Variants in LMO7 observed in about 807,000 individuals in gnomAD.
LMO7 encodes the protein LIM domain only protein 7.
Under a neutral mutation model 206.5 loss-of-function variants are expected in LMO7, and 120 were observed. The observed-to-expected ratio is 0.58, with a 90% CI of 0.50 to 0.68. The LOEUF (loss-of-function observed/expected upper bound fraction) is 0.68, where lower values mean the gene tolerates loss of function less well. LMO7 is among the 30% of genes least tolerant of loss of function. The pLI is 0.00. For synonymous variants in LMO7, 706 were observed against 681.5 expected, an observed-to-expected ratio of 1.04 and a Z score of -0.56; for missense variants, 1,959 against 1,957.9, an observed-to-expected ratio of 1.00 and a Z score of -0.01.
chr13:75,820,505 A>G (rs539746247), intron 13 of LMO7, among the ~76,000 whole-genome samples: 2 of 152,340 alleles, frequency 1.3e-5, no homozygotes, highest in East Asian at 1.9e-4. Context: ...TTGGTTGTCA[A>G]TCATGATATT....
intron 15 of LMO7, among the ~76,000 whole-genome samples, chr13:75,825,954 C>G (rs1030105602): frequency 9.2e-5 from 14 of 152,140 alleles, no homozygotes; most frequent in African/African-American, 3.1e-4. Context: ...ATACCTTGGA[C>G]TTTTGCTGGC....
intron 15 of LMO7, among the ~76,000 whole-genome samples, chr13:75,827,070 A>G (rs1305144571): frequency 6.6e-6 from 1 of 152,138 alleles, no homozygotes; most frequent in Non-Finnish European, 1.5e-5. Context: ...CTTACCCTTG[A>G]AAAGTTTCAC....
intron 11 of LMO7, 151 bp from the exon 12 acceptor site, chr13:75,817,010 T>C (rs2057076980): frequency 2.0e-6 from 1 of 502,442 alleles, no homozygotes; most frequent in South Asian, 3.5e-5. Context: ...AAAAACACCA[T>C]TTATCTCTGT....
intron 1 of LMO7, among the ~76,000 whole-genome samples, chr13:75,649,524 G>A (rs765279744): frequency 1.3e-4 from 20 of 152,162 alleles, no homozygotes; most frequent in Non-Finnish European, 2.1e-4. Flanking sequence ...AATCTATCAC[G>A]TGTTGAAAGT....
intron 7 of LMO7, 131 bp downstream of exon 7, chr13:75,801,013 A>G (rs765116760): frequency 1.6e-5 from 12 of 764,094 alleles, no homozygotes; most frequent in East Asian, 2.5e-5. Flanking sequence ...TAGAGACTGG[A>G]GTATAATTGG....
At chr13:75,668,568 A>G (rs570757311) in intron 1 of LMO7, among the ~76,000 whole-genome samples, 1 of 152,126 alleles carries the variant, frequency 6.6e-6, no homozygotes, top group Non-Finnish European at 1.5e-5. Flanking sequence ...GGCAATACAA[A>G]CTAGATGCTC....
chr13:75,691,322 T>C (rs1234966113), intron 1 of LMO7, among the ~76,000 whole-genome samples: 1 of 152,230 alleles, frequency 6.6e-6, no homozygotes, highest in East Asian at 1.9e-4. Context: ...AGAGGATGTT[T>C]GTTCAGTTTA....
intron 1 of LMO7, among the ~76,000 whole-genome samples, chr13:75,698,270 A>G (rs2042034641): frequency 6.6e-6 from 1 of 151,980 alleles, no homozygotes; most frequent in Non-Finnish European, 1.5e-5. Context: ...TATTCTTGTG[A>G]AAAAAATATA....
chr13:75,659,304 T>G (rs1046855143), intron 1 of LMO7, among the ~76,000 whole-genome samples: 1 of 152,220 alleles, frequency 6.6e-6, no homozygotes, highest in African/African-American at 2.4e-5. Context: ...GTGTGTGAGT[T>G]TTCACCCCAA....
rs201224165 is a variant in LMO7 at position 75,776,110 on chromosome 13, T to TAC, written c.317+15073_317+15074insCA. On this transcript the variant is annotated intron_variant, in intron 4 of 30. Transcript: ENST00000377534. ...AATGTTGTGGATATATATATATATA[T>TAC]ATACATACATACATACATATATATA... Among the ~76,000 whole-genome samples, 123 of 99,238 alleles carry TAC rather than the reference T, an allele frequency of 1.2e-3. 1 individual carries two copies. Among genetic ancestry groups the TAC allele is most frequent in the African/African-American group, 3.1e-3 (98 of 31,650 alleles). 65.1% of individuals were successfully genotyped at this position (99,238 alleles called of 152,430 possible).
At chr13:75,829,310 C>A (rs73227991) in intron 15 of LMO7, among the ~76,000 whole-genome samples, 1 of 151,926 alleles carries the variant, frequency 6.6e-6, no homozygotes, top group East Asian at 1.9e-4. Context: ...GTGGGCAGTG[C>A]CTGGAGGGAT....
At chr13:75,637,673 T>G (rs995272914) in intron 1 of LMO7, among the ~76,000 whole-genome samples, 2 of 152,228 alleles carry the variant, frequency 1.3e-5, no homozygotes, top group East Asian at 3.8e-4. Context: ...GGCTTAAAGA[T>G]TATTCCACGG....
intron 3 of LMO7, among the ~76,000 whole-genome samples, chr13:75,758,428 A>G (rs1566394985): frequency 6.6e-6 from 1 of 152,218 alleles, no homozygotes; most frequent in Non-Finnish European, 1.5e-5. Context: ...TACCAATCTT[A>G]GTACAACCTC....
At chr13:75,853,865 G>A (rs1217256324) in intron 28 of LMO7, among the ~76,000 whole-genome samples, 2 of 152,324 alleles carry the variant, frequency 1.3e-5, no homozygotes, top group Admixed American at 6.5e-5. Context: ...TCCATCGTCT[G>A]GGGGACTTCT....
At chr13:75,676,260 CCT>C (rs2040007482) in intron 1 of LMO7, among the ~76,000 whole-genome samples, 1 of 152,052 alleles carries the variant, frequency 6.6e-6, no homozygotes, top group African/African-American at 2.4e-5. Flanking sequence ...TAAGTATGTG[CCT>C]CTCTCCGGAT....
At chr13:75,827,970 A>G (rs2058286872) in intron 15 of LMO7, among the ~76,000 whole-genome samples, 1 of 152,134 alleles carries the variant, frequency 6.6e-6, no homozygotes, top group South Asian at 2.1e-4. Context: ...TCTCACCTTC[A>G]CTAGGACCTG....
intron 4 of LMO7, among the ~76,000 whole-genome samples, chr13:75,786,190 G>C (rs939942148): frequency 1.3e-5 from 2 of 152,132 alleles, no homozygotes; most frequent in Non-Finnish European, 2.9e-5. Context: ...ACACAATGTA[G>C]AATAGTCCAC....
intron 23 of LMO7, among the ~76,000 whole-genome samples, 199 bp from the exon 24 acceptor site, chr13:75,841,429 A>T (rs112223384): frequency 6.6e-5 from 10 of 152,310 alleles, no homozygotes; most frequent in African/African-American, 2.2e-4. Flanking sequence ...ATAGAACTTC[A>T]GTGCATCTTC....
At chr13:75,667,867 C>G (rs2039209677) in intron 1 of LMO7, among the ~76,000 whole-genome samples, 1 of 152,192 alleles carries the variant, frequency 6.6e-6, no homozygotes, top group South Asian at 2.1e-4. Flanking sequence ...TGTGGAAACT[C>G]ACAATTGTTA....
Sources: allele counts gnomAD v4.1 joint callset (sites outside exome capture counted in the v4.1 genomes callset), GRCh38; gene constraint gnomAD v4.1.1; transcripts MANE v1.5; gene names NCBI Gene and HGNC (gene_info 2026-07-23, HGNC 2026-07-21).